Variants in TPRG1 observed in about 807,000 individuals in gnomAD.
TPRG1 encodes tumor protein p63 regulated 1.
A neutral mutation model predicts 29.3 loss-of-function variants in TPRG1; 29 were observed. That is an observed-to-expected ratio of 0.99 (90% CI 0.74 to 1.35). The LOEUF (loss-of-function observed/expected upper bound fraction) is 1.35, where lower values mean the gene tolerates loss of function less well. Ranked by LOEUF, TPRG1 falls within the 40% of genes most tolerant of loss-of-function variation. The pLI is 0.00. For synonymous variants in TPRG1, 130 were observed against 116.8 expected, an observed-to-expected ratio of 1.11 and a Z score of -0.73; for missense variants, 327 against 335.0, an observed-to-expected ratio of 0.98 and a Z score of 0.19.
At chr3:189,094,125 A>G (rs1483768602) in intron 4 of TPRG1, among the ~76,000 whole-genome samples, 1 of 152,182 alleles carries the variant, frequency 6.6e-6, no homozygotes, top group South Asian at 2.1e-4. Context: ...AATTCCATGA[A>G]ATTCTTGGGT....
At chr3:189,076,914 A>G (rs1458401683) in intron 4 of TPRG1, among the ~76,000 whole-genome samples, 3 of 144,388 alleles carry the variant, frequency 2.1e-5, no homozygotes, top group Non-Finnish European at 3.0e-5. Context: ...ACAAAAGAAT[A>G]TATGTGTACA....
At position 189,020,581 on chromosome 3, in the gene TPRG1, C is replaced by T. The variant is rs553334123; in HGVS notation, c.-659-3169C>T. Among the ~76,000 whole-genome samples the T allele has an allele frequency of 2.7e-3, 404 of 151,704 alleles. 3 individuals carry two copies. The highest frequency in any genetic ancestry group is 8.8e-3 in the African/African-American group (364 of 41,330). On this transcript the variant is annotated intron_variant, in intron 3 of 10. Transcript: ENST00000433971. ...AATCCTGAGTTCTAGTTTGATTGCACTGAGGTCTGAGAGATAGTTTGTTAT... is the reference window on the plus strand; with the variant it reads ...AATCCTGAGTTCTAGTTTGATTGCATTGAGGTCTGAGAGATAGTTTGTTAT...
At chr3:189,015,777 G>A (rs1712898835) in intron 3 of TPRG1, among the ~76,000 whole-genome samples, 1 of 152,180 alleles carries the variant, frequency 6.6e-6, no homozygotes, top group Admixed American at 6.5e-5. Flanking sequence ...GTGGTGTTGG[G>A]CCTGCAGGCA....
At chr3:189,218,742 G>A (rs940496136) in intron 3 of TPRG1, among the ~76,000 whole-genome samples, 3 of 152,220 alleles carry the variant, frequency 2.0e-5, no homozygotes, top group African/African-American at 4.8e-5. Flanking sequence ...AAGTGACAGA[G>A]CAAGGAAAAT....
At chr3:189,319,662 C>T (rs917435224) in intron 5 of TPRG1, among the ~76,000 whole-genome samples, 3 of 152,044 alleles carry the variant, frequency 2.0e-5, no homozygotes, top group Non-Finnish European at 4.4e-5. Context: ...ATTCTTAGCC[C>T]TAAGAGCATT....
chr3:189,078,121 CTTT>C (rs1483323815), intron 4 of TPRG1, among the ~76,000 whole-genome samples: 5 of 126,680 alleles, frequency 3.9e-5, no homozygotes, highest in South Asian at 2.6e-4. Flanking sequence ...TTCTTTCTTT[CTTT>C]CTTTCTTTCT....
At chr3:189,150,671 T>G (rs911856002) in exon 5 of TPRG1, 2 of 152,166 alleles carry the variant, frequency 1.3e-5, no homozygotes, top group African/African-American at 4.8e-5. Flanking sequence ...TAAGGATTCA[T>G]CTGGGCACTG....
chr3:189,057,022 C>T (rs1715744984), intron 4 of TPRG1, among the ~76,000 whole-genome samples: 1 of 152,178 alleles, frequency 6.6e-6, no homozygotes, highest in Admixed American at 6.5e-5. Context: ...AAATTAATCA[C>T]TCTTGCTTCC....
intron 3 of TPRG1, among the ~76,000 whole-genome samples, chr3:189,238,351 A>C (rs1013608714): frequency 6.6e-6 from 1 of 152,194 alleles, no homozygotes; most frequent in Admixed American, 6.6e-5. Context: ...GCTAGAACAA[A>C]GAGATATTTT....
At chr3:189,062,860 C>A (rs1470648844) in intron 4 of TPRG1, among the ~76,000 whole-genome samples, 1 of 151,850 alleles carries the variant, frequency 6.6e-6, no homozygotes, top group South Asian at 2.1e-4. Flanking sequence ...AACAGAGTAA[C>A]AAGAACCAGA....
chr3:189,191,049 A>T (rs1578741846), intron 1 of TPRG1: 1 of 896,102 alleles, frequency 1.1e-6, no homozygotes, highest in Non-Finnish European at 1.3e-6. Context: ...GTCATTGCTT[A>T]TTCAGTAGTT....
At chr3:189,019,861 C>T (rs1259553532) in intron 3 of TPRG1, among the ~76,000 whole-genome samples, 248 of 150,360 alleles carry the variant, frequency 1.6e-3, no homozygotes, top group African/African-American at 5.7e-3. Context: ...CCATCTGGTC[C>T]TGGACTCTTT....
chr3:189,200,701 T>A (rs1044455991), intron 1 of TPRG1, among the ~76,000 whole-genome samples: 1 of 152,218 alleles, frequency 6.6e-6, no homozygotes, highest in African/African-American at 2.4e-5. Context: ...ATTTTTTAAT[T>A]CTGTGGTTAC....
chr3:189,101,699 G>T (rs998524100), intron 1 of TPRG1, among the ~76,000 whole-genome samples: 1 of 151,768 alleles, frequency 6.6e-6, no homozygotes, highest in Non-Finnish European at 1.5e-5. Flanking sequence ...TCTGTTCTCT[G>T]ATATCTTTTA....
chr3:189,095,877 ATGT>A (rs1392645470), upstream of TPRG1, among the ~76,000 whole-genome samples: 1 of 152,148 alleles, frequency 6.6e-6, no homozygotes, highest in Non-Finnish European at 1.5e-5. Flanking sequence ...ACGTTATAAA[ATGT>A]TGTCTGGTGA....
intron 4 of TPRG1, among the ~76,000 whole-genome samples, chr3:189,286,562 A>C (rs1355801090): frequency 6.6e-6 from 1 of 152,112 alleles, no homozygotes; most frequent in Non-Finnish European, 1.5e-5. Flanking sequence ...AGGATCAATC[A>C]GATTCTCCTG....
chr3:189,279,114 TG>T (rs1716663934), intron 4 of TPRG1, among the ~76,000 whole-genome samples: 1 of 152,178 alleles, frequency 6.6e-6, no homozygotes, highest in African/African-American at 2.4e-5. Flanking sequence ...TGTTGTAGAG[TG>T]AAAGCAACCA....
At chr3:189,229,294 C>CAAAAA (rs35836287) in intron 3 of TPRG1, among the ~76,000 whole-genome samples, 4 of 147,096 alleles carry the variant, frequency 2.7e-5, no homozygotes, top group African/African-American at 9.9e-5. Context: ...GTGGAAAGAC[C>CAAAAA]AAAAAAAAAA....
At chr3:189,295,927 A>AAC (rs1553941845) in intron 4 of TPRG1, among the ~76,000 whole-genome samples, 356 of 149,850 alleles carry the variant, frequency 2.4e-3, no homozygotes, top group Middle Eastern at 6.9e-3. Flanking sequence ...AAAAAAAAAA[A>AAC]AAAAACATTT....
Sources: gnomAD v4.1 joint callset for allele counts (sites outside exome capture counted in the v4.1 genomes callset) on GRCh38, gnomAD v4.1.1 for gene constraint, MANE v1.5 for transcripts, NCBI Gene and HGNC (gene_info 2026-07-23, HGNC 2026-07-21) for gene names.